PLCB4: variants seen among roughly 807,000 people sequenced by gnomAD.
PLCB4 encodes the protein phospholipase C beta 4.
Under a neutral mutation model 178.8 loss-of-function variants are expected in PLCB4, and 77 were observed. The observed-to-expected ratio is 0.43, with a 90% CI of 0.36 to 0.52. The LOEUF is 0.52. Among genes scored for constraint, PLCB4 ranks in the 20% least tolerant of loss-of-function variants. The probability of loss-of-function intolerance (pLI) is 0.00; values close to 1 mark genes in which losing one functional copy is unlikely to be tolerated. For missense variants in PLCB4, 1,024 were observed against 1,453.4 expected, an observed-to-expected ratio of 0.70 and a Z score of 4.80; for synonymous variants, 496 against 490.8, an observed-to-expected ratio of 1.01 and a Z score of -0.14.
intron 8 of PLCB4, among the ~76,000 whole-genome samples, chr20:9,365,088 T>G (rs1383697270): frequency 6.6e-6 from 1 of 152,180 alleles, no homozygotes; most frequent in African/African-American, 2.4e-5. Context: ...AACAATGTGT[T>G]TTGCTCAATG....
intron 2 of PLCB4, among the ~76,000 whole-genome samples, chr20:9,204,525 A>AT (rs752793295): frequency 1.5e-4 from 23 of 150,228 alleles, no homozygotes; most frequent in Non-Finnish European, 2.2e-4. Flanking sequence ...ATGCCTGGCT[A>AT]TTTTTTTTTG....
intron 7 of PLCB4, among the ~76,000 whole-genome samples, chr20:9,350,161 A>G (rs2034201228): frequency 6.6e-6 from 1 of 152,182 alleles, no homozygotes; most frequent in African/African-American, 2.4e-5. Context: ...AATTTAAAAA[A>G]AAAACAGGAA....
intron 1 of PLCB4, among the ~76,000 whole-genome samples, chr20:9,088,314 G>A (rs1016424335): frequency 2.0e-5 from 3 of 152,066 alleles, no homozygotes; most frequent in African/African-American, 7.2e-5. Flanking sequence ...CTCTGGACTG[G>A]CTTGGCCATG....
intron 2 of PLCB4, among the ~76,000 whole-genome samples, chr20:9,160,148 A>G: frequency 6.6e-6 from 1 of 152,196 alleles, no homozygotes. Flanking sequence ...CTTTATGTGC[A>G]GGTTTCATCT....
At chr20:9,214,400 C>A (rs1335934222) in intron 2 of PLCB4, among the ~76,000 whole-genome samples, 1 of 152,088 alleles carries the variant, frequency 6.6e-6, no homozygotes, top group Non-Finnish European at 1.5e-5. Flanking sequence ...ACTGTCTCTC[C>A]CCATTGAATG....
intron 2 of PLCB4, among the ~76,000 whole-genome samples, chr20:9,096,560 G>T (rs535037698): frequency 6.6e-6 from 1 of 152,352 alleles, no homozygotes; most frequent in East Asian, 1.9e-4. Flanking sequence ...GTCTACAGCA[G>T]TCAATGTATG....
At chr20:9,079,339 A>G (rs1407146479) in intron 1 of PLCB4, among the ~76,000 whole-genome samples, 1 of 152,124 alleles carries the variant, frequency 6.6e-6, no homozygotes, top group Non-Finnish European at 1.5e-5. Context: ...GGTGAATGCT[A>G]AAGAAAGACC....
chr20:9,208,535 CT>C (rs1018303331), intron 2 of PLCB4, among the ~76,000 whole-genome samples: 77 of 146,018 alleles, frequency 5.3e-4, no homozygotes, highest in African/African-American at 1.1e-3. Flanking sequence ...TAAACTTTTA[CT>C]TTTTTTTTTT....
At chr20:9,375,864 A>T (rs1366839576) in intron 12 of PLCB4, among the ~76,000 whole-genome samples, 1 of 152,164 alleles carries the variant, frequency 6.6e-6, no homozygotes, top group East Asian at 1.9e-4. Context: ...CACTGCCATT[A>T]ACCAGGTAGA....
At chr20:9,409,666 A>C (rs1249791575) in intron 24 of PLCB4, among the ~76,000 whole-genome samples, 2 of 152,198 alleles carry the variant, frequency 1.3e-5, no homozygotes, top group African/African-American at 4.8e-5. Context: ...AATGCCACTA[A>C]AATGGTATAT....
At chr20:9,071,498 G>A (rs1256676396) in intron 1 of PLCB4, among the ~76,000 whole-genome samples, 1 of 152,100 alleles carries the variant, frequency 6.6e-6, no homozygotes, top group Non-Finnish European at 1.5e-5. Context: ...GATCACATTA[G>A]CATGCTAATT....
At chr20:9,300,538 A>G (rs971668420) in intron 3 of PLCB4, among the ~76,000 whole-genome samples, 3 of 152,190 alleles carry the variant, frequency 2.0e-5, no homozygotes, top group African/African-American at 7.2e-5. Flanking sequence ...CAGGATTTGA[A>G]GTTTGTATTT....
At chr20:9,079,763 AT>A (rs1568710050) in intron 1 of PLCB4, among the ~76,000 whole-genome samples, 1 of 152,192 alleles carries the variant, frequency 6.6e-6, no homozygotes, top group Non-Finnish European at 1.5e-5. Flanking sequence ...GAAATTGGGA[AT>A]TTTCTACAAT....
chr20:9,136,048 T>C (rs1295662954), intron 2 of PLCB4, among the ~76,000 whole-genome samples: 1 of 152,188 alleles, frequency 6.6e-6, no homozygotes, highest in Non-Finnish European at 1.5e-5. Flanking sequence ...CAAAACTTTT[T>C]GACCCCAAGG....
intron 2 of PLCB4, among the ~76,000 whole-genome samples, chr20:9,119,213 C>G (rs1016467753): frequency 6.6e-6 from 1 of 152,120 alleles, no homozygotes; most frequent in Non-Finnish European, 1.5e-5. Flanking sequence ...AGGTTACATT[C>G]TTAACTTACC....
intron 38 of PLCB4, among the ~76,000 whole-genome samples, chr20:9,474,165 C>T (rs1019171366): frequency 6.6e-6 from 1 of 150,894 alleles, no homozygotes; most frequent in South Asian, 2.1e-4. Context: ...TGCAGTGAGC[C>T]GAGATCGCAC....
intron 2 of PLCB4, among the ~76,000 whole-genome samples, chr20:9,189,701 G>C (rs2093375317): frequency 6.6e-6 from 1 of 152,130 alleles, no homozygotes; most frequent in South Asian, 2.1e-4. Context: ...CAAGATCCAG[G>C]TGCCAGTAGA....
intron 7 of PLCB4, among the ~76,000 whole-genome samples, chr20:9,360,645 A>T (rs1285577744): frequency 6.6e-6 from 1 of 152,210 alleles, no homozygotes; most frequent in African/African-American, 2.4e-5. Flanking sequence ...TAGGTCAATA[A>T]CAGGATATTT....
intron 3 of PLCB4, among the ~76,000 whole-genome samples, chr20:9,303,047 C>T (rs1360410255): frequency 2.0e-5 from 3 of 151,942 alleles, no homozygotes; most frequent in Non-Finnish European, 2.9e-5. Context: ...GGGATGGCCA[C>T]CATGTTGTTT....
Sources: allele counts gnomAD v4.1 joint callset (sites outside exome capture counted in the v4.1 genomes callset), GRCh38; gene constraint gnomAD v4.1.1; transcripts MANE v1.5; gene names NCBI Gene and HGNC (gene_info 2026-07-23, HGNC 2026-07-21).